Variants in PPM1H observed in about 807,000 individuals in gnomAD.
PPM1H encodes protein phosphatase, Mg2+/Mn2+ dependent 1H.
A neutral mutation model predicts 54.9 loss-of-function variants in PPM1H; 27 were observed. That is an observed-to-expected ratio of 0.49 (90% confidence interval 0.36 to 0.68). PPM1H has a LOEUF of 0.68. Among genes scored for constraint, PPM1H ranks in the 30% least tolerant of loss-of-function variants. PPM1H has a pLI of 0.00. For missense variants in PPM1H, 596 were observed against 667.8 expected (o/e 0.89, Z 1.19); for synonymous variants, 305 against 270.8 (o/e 1.13, Z -1.24).
intron 1 of PPM1H, among the ~76,000 whole-genome samples, chr12:62,920,718 T>G (rs1290211174): frequency 6.6e-6 from 1 of 152,058 alleles, no homozygotes; most frequent in Non-Finnish European, 1.5e-5. Flanking sequence ...CACCCTCTTA[T>G]AGGCTATTCA....
intron 1 of PPM1H, among the ~76,000 whole-genome samples, chr12:62,903,397 A>G (rs1160387528): frequency 6.6e-6 from 1 of 152,182 alleles, no homozygotes; most frequent in Non-Finnish European, 1.5e-5. Flanking sequence ...ATACCCTGAA[A>G]TGTTATTTTA....
rs2076072651 is a variant in PPM1H, at chr12:62,689,689, C to T, written c.1245+10G>A. ...TTGCACAAAATATAAACAAAAACCT[C>T]ATGCGGTACCTCTGGAGCTGAAGAC... On this transcript the variant is annotated intron_variant, in intron 8 of 9. Coordinates refer to ENST00000228705, the MANE Select transcript of PPM1H (RefSeq NM_020700.2). The T allele has an allele frequency of 6.2e-7, 1 of 1,604,358 alleles. No homozygotes were observed. The highest frequency in any genetic ancestry group is 1.7e-5 in the Admixed American group (1 of 59,628).
Position 62,912,804 on chromosome 12 carries a change from T to C in PPM1H, c.245+21688A>G, listed in dbSNP as rs568057936. Among the ~76,000 whole-genome samples, 10 of 152,320 alleles carry C rather than the reference T, an allele frequency of 6.6e-5. No homozygotes were observed. In the South Asian group the frequency reaches 8.3e-4, roughly 13 times the overall value. On this transcript the variant is annotated intron_variant, in intron 1 of 9. Coordinates refer to ENST00000228705, the MANE Select transcript of PPM1H (RefSeq NM_020700.2). The stretch of plus-strand genomic sequence containing the variant: ...TTTTATTAACAGACTGACGTAGCTC[T>C]AGAAACTAAAAGCAGATTTGTTCCC...
At chr12:62,682,802 C>A (rs1037325673) in intron 8 of PPM1H, among the ~76,000 whole-genome samples, 4 of 151,792 alleles carry the variant, frequency 2.6e-5, no homozygotes, top group Non-Finnish European at 4.4e-5. Flanking sequence ...CTGTGCCTGG[C>A]CTTCATTCTC....
chr12:62,695,385 T>G (rs1000192027), intron 6 of PPM1H, among the ~76,000 whole-genome samples: 7 of 152,114 alleles, frequency 4.6e-5, no homozygotes, highest in African/African-American at 1.7e-4. Context: ...ATTCGTGAGA[T>G]TATTGCAAAG....
chr12:62,715,257 A>T lies in PPM1H; in HGVS notation c.1073+4914T>A, dbSNP rs552400861. ...TGCAACAGCAGCTCAACACAAAGGG[A>T]TGGGGAGGATGGGCCCCAGCTTGGG... On this transcript the variant is annotated intron_variant, in intron 6 of 9. Coordinates refer to ENST00000228705, the MANE Select transcript of PPM1H (RefSeq NM_020700.2). Among the ~76,000 whole-genome samples, 8 of 152,282 alleles carry T rather than the reference A, an allele frequency of 5.3e-5. No homozygotes were observed. The East Asian group carries it at 1.5e-3, about 29-fold the overall frequency.
chr12:62,835,037 C>G (rs1434878436), intron 1 of PPM1H, among the ~76,000 whole-genome samples: 3 of 152,140 alleles, frequency 2.0e-5, no homozygotes, highest in African/African-American at 7.2e-5. Context: ...CAGAACTTGG[C>G]ATCACTCTGA....
intron 2 of PPM1H, among the ~76,000 whole-genome samples, chr12:62,814,014 C>G (rs1189397504): frequency 1.3e-5 from 2 of 152,058 alleles, no homozygotes; most frequent in African/African-American, 4.8e-5. Context: ...TAATTATATA[C>G]TTTATGGATA....
chr12:62,732,270 G>C (rs1210286373), intron 5 of PPM1H, among the ~76,000 whole-genome samples: 1 of 152,162 alleles, frequency 6.6e-6, no homozygotes, highest in East Asian at 1.9e-4. Flanking sequence ...ATTACCCAGA[G>C]AGCCACATGA....
chr12:62,863,570 T>A (rs1314987586), intron 1 of PPM1H, among the ~76,000 whole-genome samples: 1 of 152,192 alleles, frequency 6.6e-6, no homozygotes, highest in Non-Finnish European at 1.5e-5. Context: ...AGCAAATGTG[T>A]AGAGGCAATA....
rs1360647300 is a variant in PPM1H, at chr12:62,831,697, TTGTGTGTGTA to T, written c.411+407_411+416del. Among the ~76,000 whole-genome samples the T allele has an allele frequency of 1.3e-4, 19 of 149,574 alleles. No homozygotes were observed. In the East Asian group the frequency reaches 1.4e-3, roughly 11 times the overall value. On this transcript the variant is annotated intron_variant, in intron 2 of 9. Transcript: ENST00000228705. ...GTGGCTCCTTTGAAACCGTCAAACA[TTGTGTGTGTA>T]TGTGTGTGTGTGTGTGTGTGTGAGT...
chr12:62,846,674 G>A (rs1380722380), intron 1 of PPM1H, among the ~76,000 whole-genome samples: 3 of 151,882 alleles, frequency 2.0e-5, no homozygotes, highest in Non-Finnish European at 4.4e-5. Context: ...TACATACCAC[G>A]ATTCCTTCTC....
At chr12:62,846,432 G>A (rs895881002) in intron 1 of PPM1H, among the ~76,000 whole-genome samples, 12 of 151,700 alleles carry the variant, frequency 7.9e-5, no homozygotes, top group Admixed American at 4.6e-4. Flanking sequence ...CCCAGGAGGC[G>A]GAGGTTGCAG....
In PPM1H at chr12:62,768,244, C is replaced by A. The variant is rs114092502; in HGVS notation, c.869+19982G>T. On this transcript the variant is annotated intron_variant, in intron 4 of 9. Transcript: ENST00000228705. The stretch of plus-strand genomic sequence containing the variant: ...AAAGGAAAAGGCAGCAGGAGGGCAG[C>A]TAGTCAGCTCCACCATACCACAGGG... Among the ~76,000 whole-genome samples, 594 of 152,278 alleles carry A rather than the reference C, an allele frequency of 3.9e-3. 12 individuals carry two copies. The highest frequency in any genetic ancestry group is 0.014 in the African/African-American group (578 of 41,568).
Position 62,648,400 on chromosome 12 carries a change from G to A in PPM1H, c.*89C>T. The A allele has an allele frequency of 1.3e-6, 2 of 1,502,274 alleles. No individual in the cohort carries two copies. The highest frequency in any genetic ancestry group is 1.8e-6 in the Non-Finnish European group (2 of 1,098,268). The allele number at this position is 1,502,274 out of a possible 1,614,324, so 93.1% of individuals were successfully genotyped here. ...GGCTGGGAAGAGACTGCATCACTTG[G>A]AACTCAGCTGGGGCACTTCCCAGTT... is the stretch of plus-strand genomic sequence containing the variant. On this transcript the variant is annotated 3_prime_UTR_variant, in exon 10 of 10. Coordinates refer to ENST00000228705, the MANE Select transcript of PPM1H (RefSeq NM_020700.2).
chr12:62,741,995 A>G (rs553458782), intron 4 of PPM1H, among the ~76,000 whole-genome samples: 1 of 152,028 alleles, frequency 6.6e-6, no homozygotes, highest in South Asian at 2.1e-4. Flanking sequence ...GCCTAAGAGG[A>G]CAGTGTTCTG....
chr12:62,653,211 T>A (rs1425723206), intron 9 of PPM1H, among the ~76,000 whole-genome samples: 1 of 152,238 alleles, frequency 6.6e-6, no homozygotes, highest in Non-Finnish European at 1.5e-5. Context: ...AGCTTTTTAC[T>A]TATCATGGTA....
chr12:62,810,042 A>C (rs2076825478), intron 2 of PPM1H, among the ~76,000 whole-genome samples: 1 of 152,088 alleles, frequency 6.6e-6, no homozygotes, highest in Non-Finnish European at 1.5e-5. Flanking sequence ...GCTCACAGAG[A>C]CTTAGGTGTG....
chr12:62,691,956 C>A (rs77489917), intron 7 of PPM1H, among the ~76,000 whole-genome samples: 17 of 152,174 alleles, frequency 1.1e-4, no homozygotes, highest in Non-Finnish European at 2.1e-4. Context: ...GCTCTCCTCC[C>A]TGAAATGGCG....
Sources: gnomAD v4.1 joint callset for allele counts (sites outside exome capture counted in the v4.1 genomes callset) on GRCh38, gnomAD v4.1.1 for gene constraint, MANE v1.5 for transcripts, NCBI Gene and HGNC (gene_info 2026-07-23, HGNC 2026-07-21) for gene names.